CCDC141: variants seen among roughly 807,000 people sequenced by gnomAD.
The protein encoded by CCDC141 is coiled-coil domain-containing protein 141.
CCDC141 carries 168 observed loss-of-function variants against 181.0 expected under a neutral mutation model. The observed-to-expected ratio is 0.93, with a 90% confidence interval of 0.82 to 1.05. The LOEUF (loss-of-function observed/expected upper bound fraction) is 1.05, where lower values mean the gene tolerates loss of function less well. Ranked by LOEUF, CCDC141 falls within the 50% of genes least tolerant of loss-of-function variation. The pLI is 0.00. For missense variants in CCDC141, 1,902 were observed against 1,788.5 expected (o/e 1.06, Z -1.14); for synonymous variants, 666 against 642.3 (o/e 1.04, Z -0.56).
chr2:178,888,754 T>C, intron 8 of CCDC141, 86 bp from the exon 9 acceptor site: 2 of 1,430,828 alleles, frequency 1.4e-6, no homozygotes, highest in Non-Finnish European at 1.9e-6. Context: ...TCATGTTAGG[T>C]AGGCGTTGGT....
At chr2:178,892,044 G>A (rs1432277299) in intron 8 of CCDC141, among the ~76,000 whole-genome samples, 3 of 152,144 alleles carry the variant, frequency 2.0e-5, no homozygotes, top group Non-Finnish European at 2.9e-5. Context: ...AAGAACATAT[G>A]CGCAGTTACC....
At chr2:178,865,104 G>T (rs1434308850) in intron 17 of CCDC141, among the ~76,000 whole-genome samples, 1 of 152,228 alleles carries the variant, frequency 6.6e-6, no homozygotes, top group Non-Finnish European at 1.5e-5. Context: ...TTGTGGATTT[G>T]TTACAGTTGA....
At chr2:178,898,062 G>A (rs1170785148) in intron 8 of CCDC141, among the ~76,000 whole-genome samples, 1 of 152,160 alleles carries the variant, frequency 6.6e-6, no homozygotes, top group African/African-American at 2.4e-5. Flanking sequence ...TATGGTTTGT[G>A]CTCACCAAAA....
chr2:178,933,569 G>T (rs983059476), intron 6 of CCDC141, among the ~76,000 whole-genome samples: 1 of 152,134 alleles, frequency 6.6e-6, no homozygotes. Flanking sequence ...CCTCCATCTC[G>T]AAAGAGATCA....
intron 5 of CCDC141, among the ~76,000 whole-genome samples, chr2:178,952,408 A>G (rs1689987000): frequency 6.6e-6 from 1 of 152,222 alleles, no homozygotes. Flanking sequence ...ATCTATAGGT[A>G]GATACTATTA....
intron 4 of CCDC141, among the ~76,000 whole-genome samples, chr2:178,970,060 AC>A (rs1369623759): frequency 1.3e-5 from 2 of 152,212 alleles, no homozygotes; most frequent in Non-Finnish European, 1.5e-5. Flanking sequence ...AATCCAACTT[AC>A]AAGGGATGTG....
chr2:178,953,568 G>T (rs932589821), intron 5 of CCDC141, among the ~76,000 whole-genome samples: 1 of 152,122 alleles, frequency 6.6e-6, no homozygotes, highest in East Asian at 1.9e-4. Flanking sequence ...GAGGCTGATC[G>T]TGCATCATTA....
intron 6 of CCDC141, among the ~76,000 whole-genome samples, chr2:178,938,979 A>G (rs1479218498): frequency 6.6e-6 from 1 of 152,186 alleles, no homozygotes; most frequent in East Asian, 1.9e-4. Flanking sequence ...TTTGGTCATT[A>G]TAATTCCCTT....
the CCDC141 span, among the ~76,000 whole-genome samples, chr2:178,817,879 T>A: frequency 1.5e-5 from 2 of 135,552 alleles, no homozygotes; most frequent in East Asian, 2.7e-4. Flanking sequence ...CTCCACTCAC[T>A]GCAACCTGTT....
chr2:178,855,970 C>T (rs1030405252), intron 18 of CCDC141, among the ~76,000 whole-genome samples: 4 of 152,042 alleles, frequency 2.6e-5, no homozygotes, highest in African/African-American at 9.7e-5. Flanking sequence ...GTAGAAGGCA[C>T]GTGCATGCAT....
intron 22 of CCDC141, among the ~76,000 whole-genome samples, chr2:178,843,127 A>G (rs1443413482): frequency 6.6e-6 from 1 of 152,226 alleles, no homozygotes; most frequent in Non-Finnish European, 1.5e-5. Context: ...GGACATCTAC[A>G]GTATCATTAC....
In CCDC141 at chr2:178,888,558, A is replaced by C; in HGVS notation, c.1376T>G (p.Leu459Arg). 1.3e-6 allele frequency: 2 copies of C among 1,550,394 alleles called. No individual in the cohort carries two copies. The highest frequency in any genetic ancestry group is 1.7e-6 in the Non-Finnish European group (2 of 1,146,770). Reference protein sequence around the residue: ...HKEYALKKQQLTASVEGYLRK... With the variant: ...HKEYALKKQQRTASVEGYLRK... Reference sequence around the variant, plus strand: ...TAGGTAACCCTCCACTGAGGCTGTTAGTTGTTGTTTCTTAAGAGCATATTC... The same window carrying C: ...TAGGTAACCCTCCACTGAGGCTGTTCGTTGTTGTTTCTTAAGAGCATATTC... Residue 459 changes from leucine (L) to arginine (R), a missense_variant, in exon 9 of 24, where the codon CTA becomes CGA. By Grantham distance (102) the Leu-to-Arg change is moderately radical. Transcript: ENST00000443758.
At chr2:178,978,146 C>T (rs1368216778) in intron 3 of CCDC141, among the ~76,000 whole-genome samples, 1 of 152,124 alleles carries the variant, frequency 6.6e-6, no homozygotes, top group African/African-American at 2.4e-5. Flanking sequence ...TCTTAGTAAT[C>T]CTACCATCAG....
intron 5 of CCDC141, among the ~76,000 whole-genome samples, chr2:178,950,491 G>C (rs1379288056): frequency 6.6e-6 from 1 of 152,214 alleles, no homozygotes; most frequent in African/African-American, 2.4e-5. Flanking sequence ...AGATGCTAAA[G>C]CTGTGTTGCT....
chr2:178,834,102 TGCAGGAAGATAAACG>T lies in CCDC141; in HGVS notation c.*56_*70del, dbSNP rs886225484. ...TTGGTGGGAGATGCTTTGCAGGAGGTGCAGGAAGATAAACGGCGGCACTTTTCTTTAGGCACATGA... is the reference window on the plus strand; with the variant it reads ...TTGGTGGGAGATGCTTTGCAGGAGGTGCGGCACTTTTCTTTAGGCACATGA... On this transcript the variant is annotated 3_prime_UTR_variant, in exon 24 of 24. Transcript: ENST00000443758. 1 of 1,442,126 alleles carries T rather than the reference TGCAGGAAGATAAACG, an allele frequency of 6.9e-7. No individual in the cohort carries two copies. The highest frequency in any genetic ancestry group is 1.4e-5 in the African/African-American group (1 of 70,974). 89.3% of individuals were successfully genotyped at this position (1,442,126 alleles called of 1,614,324 possible).
intron 22 of CCDC141, among the ~76,000 whole-genome samples, chr2:178,842,269 T>A (rs1367985196): frequency 6.6e-6 from 1 of 152,232 alleles, no homozygotes; most frequent in Non-Finnish European, 1.5e-5. Context: ...TCTTTGTCTT[T>A]TTGTTGATTC....
chr2:178,851,315 C>T (rs1224806729), intron 20 of CCDC141, among the ~76,000 whole-genome samples: 2 of 152,000 alleles, frequency 1.3e-5, no homozygotes, highest in Non-Finnish European at 2.9e-5. Context: ...AAGATTGTAT[C>T]ACACATTGTT....
At chr2:178,816,104 T>C in the CCDC141 span, among the ~76,000 whole-genome samples, 1 of 152,186 alleles carries the variant, frequency 6.6e-6, no homozygotes, top group Non-Finnish European at 1.5e-5. Flanking sequence ...TTCTGTGGGT[T>C]TCGATTGATG....
At chr2:178,873,133 A>G (rs1686193743) in intron 12 of CCDC141, 1 of 152,222 alleles carries the variant, frequency 6.6e-6, no homozygotes, top group South Asian at 2.1e-4. Flanking sequence ...TTCTCAATAA[A>G]TCTTCAAATT....
Sources: allele counts gnomAD v4.1 joint callset (sites outside exome capture counted in the v4.1 genomes callset), GRCh38; gene constraint gnomAD v4.1.1; transcripts MANE v1.5; gene names NCBI Gene and HGNC (gene_info 2026-07-23, HGNC 2026-07-21).